KCNQ4: variants seen among roughly 807,000 people sequenced by gnomAD.
KCNQ4 encodes the protein potassium voltage-gated channel subfamily Q member 4.
In KCNQ4, 31 loss-of-function variants were observed where a neutral mutation model predicts 72.6. The observed-to-expected ratio is 0.43, with a 90% CI of 0.32 to 0.58. The LOEUF is 0.58. Ranked by LOEUF, KCNQ4 falls within the 20% of genes least tolerant of loss-of-function variation. The pLI is 0.08. For synonymous variants in KCNQ4, 405 were observed against 403.7 expected (o/e 1.00, Z -0.04); for missense variants, 869 against 962.6 (o/e 0.90, Z 1.29).
chr1:40,824,161 G>T lies in KCNQ4; in HGVS notation c.1195G>T (p.Val399Leu). 1 of 1,552,102 alleles carries T rather than the reference G, an allele frequency of 6.4e-7. No homozygotes were observed. The highest frequency in any genetic ancestry group is 8.7e-7 in the Non-Finnish European group (1 of 1,148,126). Residue 399 changes from valine (V) to leucine (L), a missense_variant, in exon 9 of 14, where the codon GTG becomes TTG. This residue lies in a region of KCNQ4 where 480 missense variants were observed against 501.9 expected (regional missense o/e 0.96). Coordinates refer to ENST00000347132, the MANE Select transcript of KCNQ4 (RefSeq NM_004700.4). ...CAATGGGGGCCTACGGCCCCTGGAG[G>T]TGCGGCGGGCGCCGGTACCCGACGG... is the stretch of plus-strand genomic sequence containing the variant. ...ARNGGLRPLE[V>L]RRAPVPDGAP...
At position 40,829,394 on chromosome 1, in the gene KCNQ4, C is replaced by G. The variant is rs528062255; in HGVS notation, c.1293-1690C>G. Among the ~76,000 whole-genome samples, 13 of 152,290 alleles carry G rather than the reference C, an allele frequency of 8.5e-5. No homozygotes were observed. In the East Asian group the frequency reaches 2.5e-3, roughly 29 times the overall value. The stretch of plus-strand genomic sequence containing the variant: ...TGGAGAGCATGCTGGATAGTGGGAA[C>G]TGGGAACTGTCCCTGTCCTTTTGAT... On this transcript the variant is annotated intron_variant, in intron 9 of 13. Transcript: ENST00000347132.
intron 1 of KCNQ4, among the ~76,000 whole-genome samples, chr1:40,809,926 G>A (rs536229796): frequency 7.2e-5 from 11 of 152,134 alleles, no homozygotes; most frequent in South Asian, 4.2e-4. Flanking sequence ...TTAGCCGGGC[G>A]TGGTGGTAGG....
chr1:40,824,227 C>T lies in KCNQ4; in HGVS notation c.1261C>T (p.Pro421Ser). Residue 421 changes from proline (P) to serine (S), a missense_variant, in exon 9 of 14, where the codon CCG becomes TCG. This residue lies in a region of KCNQ4 where 480 missense variants were observed against 501.9 expected (regional missense o/e 0.96). Transcript: ENST00000347132. ...RYPPVATCHR[P>S]GSTSFCPGES... ...CCCGCCCGTTGCCACCTGCCACCGGCCGGGCAGCACCTCCTTCTGCCCTGG... is the reference window on the plus strand; with the variant it reads ...CCCGCCCGTTGCCACCTGCCACCGGTCGGGCAGCACCTCCTTCTGCCCTGG... 2.5e-6 allele frequency: 4 copies of T among 1,607,792 alleles called. No homozygotes were observed. The South Asian group carries it at 4.4e-5, about 18-fold the overall frequency.
intron 1 of KCNQ4, among the ~76,000 whole-genome samples, chr1:40,806,132 C>T (rs867193635): frequency 4.6e-5 from 7 of 152,334 alleles, no homozygotes; most frequent in South Asian, 2.1e-4. Flanking sequence ...TGAGCCACCG[C>T]GCCCGGCCTC....
chr1:40,818,730 G>T (rs748429479), intron 4 of KCNQ4, 50 bp downstream of exon 4: 2 of 1,545,626 alleles, frequency 1.3e-6, no homozygotes, highest in South Asian at 1.2e-5. Context: ...TCTGGGGCAC[G>T]ACCAGAGCGG....
intron 9 of KCNQ4, among the ~76,000 whole-genome samples, chr1:40,824,631 C>T (rs1036219561): frequency 1.3e-5 from 2 of 152,230 alleles, no homozygotes; most frequent in African/African-American, 4.8e-5. Flanking sequence ...AGGCCACTGG[C>T]CACAGGTGCT....
At chr1:40,823,144 G>A (rs1389651728) in intron 8 of KCNQ4, among the ~76,000 whole-genome samples, 2 of 152,216 alleles carry the variant, frequency 1.3e-5, no homozygotes, top group African/African-American at 4.8e-5. Context: ...TTCTCCAGGA[G>A]AAGCTGTTGC....
intron 11 of KCNQ4, among the ~76,000 whole-genome samples, chr1:40,834,596 T>TA (rs113990313): frequency 0.049 from 6,691 of 136,542 alleles, 148 homozygotes; most frequent in Admixed American, 0.054. Context: ...AAATAAAAAT[T>TA]AAAAAAAAAA....
intron 1 of KCNQ4, among the ~76,000 whole-genome samples, chr1:40,805,562 G>A (rs1054700689): frequency 2.6e-5 from 4 of 152,268 alleles, no homozygotes; most frequent in Admixed American, 6.5e-5. Context: ...GGTTAAGGGA[G>A]CATGAGGTGG....
At chr1:40,802,550 T>C (rs937410180) in intron 1 of KCNQ4, among the ~76,000 whole-genome samples, 18 of 149,600 alleles carry the variant, frequency 1.2e-4, no homozygotes, top group Non-Finnish European at 2.4e-4. Flanking sequence ...GCCCCGCCCA[T>C]TTCCGTAAGC....
intron 10 of KCNQ4, among the ~76,000 whole-genome samples, 196 bp downstream of exon 10, chr1:40,831,500 T>G (rs1648646303): frequency 6.6e-6 from 1 of 152,168 alleles, no homozygotes; most frequent in Non-Finnish European, 1.5e-5. Flanking sequence ...ATCAGACTGT[T>G]TGGGAATCAC....
intron 9 of KCNQ4, among the ~76,000 whole-genome samples, chr1:40,830,763 C>T (rs184535578): frequency 3.9e-5 from 6 of 152,222 alleles, no homozygotes; most frequent in African/African-American, 1.4e-4. Context: ...CCCACATCCT[C>T]CTGTCTGTGT....
At chr1:40,797,792 T>C (rs1647458977) in intron 1 of KCNQ4, among the ~76,000 whole-genome samples, 1 of 152,088 alleles carries the variant, frequency 6.6e-6, no homozygotes, top group South Asian at 2.1e-4. Flanking sequence ...CCCTAGGACT[T>C]TGCCTATAGG....
chr1:40,832,883 A>C, intron 10 of KCNQ4, 131 bp from the exon 11 acceptor site: 3 of 723,584 alleles, frequency 4.1e-6, no homozygotes, highest in Non-Finnish European at 7.5e-6. Context: ...AGCCCCAAGA[A>C]GGTTCTGAGC....
chr1:40,807,867 G>T (rs888074248), intron 1 of KCNQ4, among the ~76,000 whole-genome samples: 1 of 152,212 alleles, frequency 6.6e-6, no homozygotes, highest in African/African-American at 2.4e-5. Context: ...CAAGGAAAGA[G>T]TCACGCGCTC....
chr1:40,806,825 CTG>C (rs2148308280), intron 1 of KCNQ4, among the ~76,000 whole-genome samples: 1 of 152,322 alleles, frequency 6.6e-6, no homozygotes, highest in South Asian at 2.1e-4. Context: ...CAACTTTCCT[CTG>C]TGGTTCTTAG....
intron 1 of KCNQ4, among the ~76,000 whole-genome samples, chr1:40,808,346 A>G (rs981485909): frequency 6.6e-6 from 1 of 152,116 alleles, no homozygotes; most frequent in Non-Finnish European, 1.5e-5. Context: ...AAACAGCAAC[A>G]AAAAACCTAA....
rs780330211 is a variant in KCNQ4 at position 40,824,184 on chromosome 1, C to T, written c.1218C>T (p.Asp406=). The change falls in exon 9 of 14, where the codon GAC becomes GAT. Residue 406 remains aspartate (D), a synonymous_variant. Transcript: ENST00000347132. ...AGGTGCGGCGGGCGCCGGTACCCGACGGAGCACCCTCCCGTTACCCGCCCG... is the reference window on the plus strand; with the variant it reads ...AGGTGCGGCGGGCGCCGGTACCCGATGGAGCACCCTCCCGTTACCCGCCCG... ...PLEVRRAPVP[D]GAPSRYPPVA... 24 of 1,577,598 alleles carry T rather than the reference C, an allele frequency of 1.5e-5. No homozygotes were observed. The highest frequency in any genetic ancestry group is 3.6e-5 in the Admixed American group (2 of 55,532).
chr1:40,802,946 G>A (rs984803269), intron 1 of KCNQ4, among the ~76,000 whole-genome samples: 1 of 152,176 alleles, frequency 6.6e-6, no homozygotes, highest in Non-Finnish European at 1.5e-5. Context: ...TCTTTTGACT[G>A]AGATACATTT....
Sources: gnomAD v4.1 joint callset for allele counts (sites outside exome capture counted in the v4.1 genomes callset) on GRCh38, gnomAD v4.1.1 for gene constraint, gnomAD v4.1.1 regional missense constraint, MANE v1.5 for transcripts, NCBI Gene and HGNC (gene_info 2026-07-23, HGNC 2026-07-21) for gene names.